The following MGAT4C variants were observed in gnomAD, a reference collection of about 807,000 sequenced individuals.
The protein encoded by MGAT4C is alpha-1,3-mannosyl-glycoprotein 4-beta-N-acetylglucosaminyltransferase C.
MGAT4C carries 19 observed loss-of-function variants against 40.1 expected under a neutral mutation model. The observed-to-expected ratio is 0.47, with a 90% CI of 0.33 to 0.70. The LOEUF (loss-of-function observed/expected upper bound fraction) is 0.70. Among genes scored for constraint, MGAT4C ranks in the 30% least tolerant of loss-of-function variants. The pLI, the probability that MGAT4C is intolerant of heterozygous loss-of-function variation, is 0.02. For missense variants in MGAT4C, 491 were observed against 563.2 expected (o/e 0.87, Z 1.30); for synonymous variants, 181 against 187.1 (o/e 0.97, Z 0.27).
At position 85,972,629 on chromosome 12, in the gene MGAT4C, G is replaced by C. The variant is rs1592578503; in HGVS notation, c.*6660C>G. 1 of 151,066 alleles carries C rather than the reference G, an allele frequency of 6.6e-6. No homozygotes were observed. The allele number at this position is 151,066 out of a possible 1,614,324, so 9.4% of individuals were successfully genotyped here. A position where few individuals can be genotyped will look rare whatever the true frequency, so the allele number is the denominator to read the frequency against. On this transcript the variant is annotated 3_prime_UTR_variant, in exon 5 of 5. Transcript: ENST00000611864. ...ACTGATATCGTCACATGGTCCTTTAGTGACCAAAAATGCACAGTTGTAAGA... is the reference window on the plus strand; with the variant it reads ...ACTGATATCGTCACATGGTCCTTTACTGACCAAAAATGCACAGTTGTAAGA...
chr12:86,468,228 A>C (rs1957709131), intron 2 of MGAT4C, among the ~76,000 whole-genome samples: 1 of 152,030 alleles, frequency 6.6e-6, no homozygotes, highest in Non-Finnish European at 1.5e-5. Context: ...ATTGACAATA[A>C]CTCCATCCTT....
intron 1 of MGAT4C, among the ~76,000 whole-genome samples, chr12:86,787,609 A>T (rs1454453308): frequency 2.6e-5 from 4 of 152,198 alleles, no homozygotes; most frequent in African/African-American, 9.6e-5. Flanking sequence ...ATTATTAAAA[A>T]GTCAAAAAAC....
intron 3 of MGAT4C, among the ~76,000 whole-genome samples, chr12:86,423,048 C>T (rs1956858374): frequency 6.6e-6 from 1 of 152,084 alleles, no homozygotes; most frequent in Admixed American, 6.5e-5. Context: ...AGCACAGACA[C>T]AAAAGAGATG....
At chr12:86,553,345 T>C (rs926257340) in intron 2 of MGAT4C, among the ~76,000 whole-genome samples, 1 of 152,086 alleles carries the variant, frequency 6.6e-6, no homozygotes, top group Admixed American at 6.6e-5. Flanking sequence ...ATTTTTAACT[T>C]TAAATATTTA....
chr12:85,992,255 TC>T (rs1886038236), intron 2 of MGAT4C, among the ~76,000 whole-genome samples: 1 of 152,210 alleles, frequency 6.6e-6, no homozygotes, highest in African/African-American at 2.4e-5. Context: ...ACACTGTCAA[TC>T]CTCTATCACC....
chr12:86,774,311 C>CTT lies in MGAT4C; in HGVS notation c.-261-47072_-261-47071dup, dbSNP rs1257192871. Among the ~76,000 whole-genome samples the CTT allele has an allele frequency of 8.2e-4, 33 of 40,134 alleles. 1 individual carries two copies. Among genetic ancestry groups the CTT allele is most frequent in the Admixed American group, 4.2e-3 (12 of 2,864 alleles). 26.3% of individuals were successfully genotyped at this position (40,134 alleles called of 152,430 possible). A position where few individuals can be genotyped will look rare whatever the true frequency, so the allele number is the denominator to read the frequency against. Reference sequence around the variant, plus strand: ...TCTTTCTTTCTTTCTTTCTTTCTTTCTTTCTTTCTTTCTTTCTTTCTTTCT... The same window carrying CTT: ...TCTTTCTTTCTTTCTTTCTTTCTTTCTTTTTCTTTCTTTCTTTCTTTCTTTCT... On this transcript the variant is annotated intron_variant, in intron 1 of 7. Transcript: ENST00000548651.
At chr12:86,399,237 C>G (rs1018225849) in intron 3 of MGAT4C, among the ~76,000 whole-genome samples, 1 of 146,784 alleles carries the variant, frequency 6.8e-6, no homozygotes, top group Non-Finnish European at 1.5e-5. Context: ...CCCAAAGTGC[C>G]GGGATTACAG....
chr12:86,685,015 G>T (rs979023951), intron 2 of MGAT4C, among the ~76,000 whole-genome samples: 3 of 151,964 alleles, frequency 2.0e-5, no homozygotes, highest in African/African-American at 7.3e-5. Context: ...AGTATATTTT[G>T]CTGTGCAGAA....
At chr12:86,357,478 T>G (rs1195519542) in intron 3 of MGAT4C, among the ~76,000 whole-genome samples, 1 of 152,124 alleles carries the variant, frequency 6.6e-6, no homozygotes, top group Non-Finnish European at 1.5e-5. Context: ...GAGAATGACT[T>G]TGACAAGTTG....
intron 2 of MGAT4C, among the ~76,000 whole-genome samples, chr12:86,578,645 G>A (rs1382880286): frequency 1.3e-5 from 2 of 151,588 alleles, no homozygotes; most frequent in African/African-American, 4.8e-5. Flanking sequence ...CAATTTATTG[G>A]CATATAGTTG....
chr12:86,031,490 A>G (rs1890750932), intron 2 of MGAT4C, among the ~76,000 whole-genome samples: 1 of 151,864 alleles, frequency 6.6e-6, no homozygotes, highest in Admixed American at 6.6e-5. Context: ...AGACTAGATT[A>G]TGAATATGTA....
chr12:86,760,571 T>G (rs891641046), intron 1 of MGAT4C, among the ~76,000 whole-genome samples: 2 of 152,016 alleles, frequency 1.3e-5, no homozygotes, highest in South Asian at 4.1e-4. Context: ...ATACACAATA[T>G]GCAATGAAAC....
At chr12:86,346,259 T>C (rs758942535) in intron 3 of MGAT4C, among the ~76,000 whole-genome samples, 38 of 152,108 alleles carry the variant, frequency 2.5e-4, no homozygotes, top group Non-Finnish European at 4.4e-4. Context: ...GAGTCTCACT[T>C]CTTCGCCCAG....
rs372102222 is a variant in MGAT4C, at chr12:85,957,744, A to T, written c.*21545T>A. ...AGACAGATCATATGGTAAAAATACA[A>T]ACTGAACTCCTTCAGCTAAGGGGTT... On this transcript the variant is annotated 3_prime_UTR_variant, in exon 5 of 5. Coordinates refer to ENST00000611864, the MANE Select transcript of MGAT4C (RefSeq NM_001351288.2). 115 of 152,026 alleles carry T rather than the reference A, an allele frequency of 7.6e-4. No individual in the cohort carries two copies. The highest frequency in any genetic ancestry group is 2.6e-3 in the African/African-American group (107 of 41,520). The allele number at this position is 152,026 out of a possible 1,614,324, so 9.4% of individuals were successfully genotyped here.
Position 86,156,231 on chromosome 12 carries a change from T to G in MGAT4C, c.-57+100008A>C, listed in dbSNP as rs115803356. Among the ~76,000 whole-genome samples, 372 of 152,324 alleles carry G rather than the reference T, an allele frequency of 2.4e-3. 1 individual carries two copies. Among genetic ancestry groups the G allele is most frequent in the African/African-American group, 7.4e-3 (306 of 41,578 alleles). The stretch of plus-strand genomic sequence containing the variant: ...TTGCCAGAGATTATTGTGTTTATCT[T>G]TTTGAAAATTATAATTAAATAGATA... On this transcript the variant is annotated intron_variant, in intron 1 of 4. Transcript: ENST00000611864.
At chr12:86,273,899 T>C (rs1953007520) in intron 4 of MGAT4C, among the ~76,000 whole-genome samples, 2 of 152,212 alleles carry the variant, frequency 1.3e-5, no homozygotes, top group South Asian at 4.1e-4. Flanking sequence ...TTGCACCTTG[T>C]ATTAGACCGT....
intron 2 of MGAT4C, among the ~76,000 whole-genome samples, chr12:86,724,909 A>C (rs1288542600): frequency 6.6e-6 from 1 of 152,168 alleles, no homozygotes; most frequent in East Asian, 1.9e-4. Context: ...CTTACCACAA[A>C]AATGATAACT....
rs755566527 is a variant in MGAT4C at position 86,707,528 on chromosome 12, CTT to C, written c.-229+19679_-229+19680del. Among the ~76,000 whole-genome samples, 525 of 132,628 alleles carry C rather than the reference CTT, an allele frequency of 4.0e-3. 2 individuals carry two copies. Among genetic ancestry groups the C allele is most frequent in the African/African-American group, 0.012 (453 of 36,348 alleles). 87.0% of individuals were successfully genotyped at this position (132,628 alleles called of 152,430 possible). On this transcript the variant is annotated intron_variant, in intron 2 of 7. Coordinates refer to the MGAT4C transcript ENST00000548651. ...TATCTGGCGGAGGAATTTTTCTTTT[CTT>C]TTTTTTTTTTTTTTAATTGAGGTGG...
intron 4 of MGAT4C, among the ~76,000 whole-genome samples, chr12:86,328,023 A>G (rs1164194378): frequency 6.6e-6 from 1 of 152,168 alleles, no homozygotes; most frequent in Non-Finnish European, 1.5e-5. Flanking sequence ...GTGTCTTGAA[A>G]TGAAAACAAA....
Sources: allele counts gnomAD v4.1 joint callset (sites outside exome capture counted in the v4.1 genomes callset), GRCh38; gene constraint gnomAD v4.1.1; transcripts MANE v1.5; gene names NCBI Gene and HGNC (gene_info 2026-07-23, HGNC 2026-07-21).